The following TOGARAM1 variants were observed in gnomAD, a reference collection of about 807,000 sequenced individuals.
TOGARAM1 encodes TOG array regulator of axonemal microtubules 1, also known as TOG array regulator of axonemal microtubules protein 1.
Under a neutral mutation model 166.6 loss-of-function variants are expected in TOGARAM1, and 100 were observed. The observed-to-expected ratio is 0.60, with a 90% CI of 0.51 to 0.71. The LOEUF (loss-of-function observed/expected upper bound fraction) is 0.71. TOGARAM1 is among the 30% of genes least tolerant of loss of function. TOGARAM1 has a pLI of 0.00. For missense variants in TOGARAM1, 2,029 were observed against 2,102.7 expected (o/e 0.96, Z 0.69); for synonymous variants, 758 against 763.8 (o/e 0.99, Z 0.13).
At chr14:45,046,518 G>C (rs750984413) in intron 13 of TOGARAM1, 27 bp from the exon 14 acceptor site, 1 of 1,271,384 alleles carries the variant, frequency 7.9e-7, no homozygotes, top group East Asian at 3.1e-5. Flanking sequence ...TAACAACTCT[G>C]TTTTAATTGA....
At chr14:44,981,778 A>G (rs1209004258) in intron 1 of TOGARAM1, among the ~76,000 whole-genome samples, 1 of 151,776 alleles carries the variant, frequency 6.6e-6, no homozygotes, top group Non-Finnish European at 1.5e-5. Context: ...GTATAATTTC[A>G]GTTTATGAAT....
intron 14 of TOGARAM1, among the ~76,000 whole-genome samples, chr14:45,050,153 A>G (rs1021716219): frequency 2.0e-5 from 3 of 152,208 alleles, no homozygotes; most frequent in Non-Finnish European, 4.4e-5. Context: ...TTATCTGGAT[A>G]TAGACCTTAT....
chr14:45,000,362 C>T (rs1227363338), intron 3 of TOGARAM1, among the ~76,000 whole-genome samples: 2 of 152,264 alleles, frequency 1.3e-5, no homozygotes, highest in East Asian at 3.9e-4. Flanking sequence ...ACTGCCCTTG[C>T]CAGCCTCTGG....
At position 45,009,089 on chromosome 14, in the gene TOGARAM1, C is replaced by T; in HGVS notation, c.3081C>T (p.Tyr1027=). The T allele has an allele frequency of 1.2e-6, 2 of 1,614,016 alleles. No individual in the cohort carries two copies. Among genetic ancestry groups the T allele is most frequent in the African/African-American group, 1.3e-5 (1 of 75,008 alleles). Residue 1027 remains tyrosine (Y), a synonymous_variant, in exon 6 of 20, where the codon TAC becomes TAT. Transcript: ENST00000361462. ...NINSYSESGV[Y]SQESLTSSLS... is the part of the protein sequence containing the mutation. ...ATTCTTACAGTGAAAGTGGAGTTTACAGCCAAGAATCATTGACTTCTTCTC... is the reference window on the plus strand; with the variant it reads ...ATTCTTACAGTGAAAGTGGAGTTTATAGCCAAGAATCATTGACTTCTTCTC...
At chr14:44,987,351 A>G (rs1022494968) in intron 1 of TOGARAM1, among the ~76,000 whole-genome samples, 1 of 152,218 alleles carries the variant, frequency 6.6e-6, no homozygotes, top group Non-Finnish European at 1.5e-5. Context: ...TTTGCAATCT[A>G]CTCATCTGAC....
At chr14:45,042,406 A>G (rs1238934332) in intron 11 of TOGARAM1, 1 of 152,054 alleles carries the variant, frequency 6.6e-6, no homozygotes, top group African/African-American at 2.4e-5. Context: ...GTTAAATCAT[A>G]AAAGGGTCTA....
chr14:44,987,806 G>A (rs1268352185), intron 1 of TOGARAM1, among the ~76,000 whole-genome samples: 27 of 148,342 alleles, frequency 1.8e-4, no homozygotes, highest in African/African-American at 6.0e-4. Context: ...ACATGCACAC[G>A]TATGTTTATT....
rs1021066202 is a variant in TOGARAM1 at position 44,984,181 on chromosome 14, A to G, written c.2047-11565A>G. Among the ~76,000 whole-genome samples the G allele has an allele frequency of 4.6e-5, 7 of 152,346 alleles. 1 individual carries two copies. The highest frequency in any genetic ancestry group is 1.7e-4 in the African/African-American group (7 of 41,588). On this transcript the variant is annotated intron_variant, in intron 1 of 19. Transcript: ENST00000361462. ...TGTTACAATGTTTATTAAGAGTAACAGTATTTAAAGCAAAGTAAGAAAGTG... is the reference window on the plus strand; with the variant it reads ...TGTTACAATGTTTATTAAGAGTAACGGTATTTAAAGCAAAGTAAGAAAGTG...
chr14:44,969,150 C>CCTTCCTTTCTTTCT (rs1566595745), intron 1 of TOGARAM1, among the ~76,000 whole-genome samples: 18 of 130,064 alleles, frequency 1.4e-4, no homozygotes, highest in African/African-American at 5.2e-4. Flanking sequence ...TCCTTCCTTT[C>CCTTCCTTTCTTTCT]TTTCTTTCTT....
chr14:45,030,540 C>T (rs1278280243), intron 10 of TOGARAM1, among the ~76,000 whole-genome samples: 4 of 151,866 alleles, frequency 2.6e-5, no homozygotes, highest in Non-Finnish European at 5.9e-5. Flanking sequence ...TATTCCAAAG[C>T]TGGAGGATTT....
intron 3 of TOGARAM1, among the ~76,000 whole-genome samples, chr14:45,003,097 A>G (rs1160333989): frequency 6.6e-6 from 1 of 152,226 alleles, no homozygotes; most frequent in Non-Finnish European, 1.5e-5. Context: ...GAAAGTTTTA[A>G]TTCTATATGT....
At chr14:44,995,414 A>G in intron 1 of TOGARAM1, 1 of 456,540 alleles carries the variant, frequency 2.2e-6, no homozygotes, top group Non-Finnish European at 4.4e-6. Context: ...CAAAGATAGC[A>G]TAGTTTGAGG....
At chr14:44,995,418 T>C (rs1308945273) in intron 1 of TOGARAM1, 2 of 457,964 alleles carry the variant, frequency 4.4e-6, no homozygotes, top group Non-Finnish European at 8.8e-6. Context: ...GATAGCATAG[T>C]TTGAGGGGTT....
intron 7 of TOGARAM1, among the ~76,000 whole-genome samples, chr14:45,022,175 A>G (rs747200515): frequency 1.3e-4 from 20 of 151,842 alleles, no homozygotes; most frequent in Non-Finnish European, 2.4e-4. Context: ...AAGCAGGGCC[A>G]TTGTCACTCT....
At chr14:45,006,540 T>C (rs1469766779) in intron 5 of TOGARAM1, 8 of 254,602 alleles carry the variant, frequency 3.1e-5, no homozygotes, top group Non-Finnish European at 6.2e-5. Flanking sequence ...ATTAAAAGTA[T>C]GAATAATAAT....
intron 1 of TOGARAM1, among the ~76,000 whole-genome samples, chr14:44,982,564 G>A (rs2138761413): frequency 6.6e-6 from 1 of 152,276 alleles, no homozygotes; most frequent in South Asian, 2.1e-4. Flanking sequence ...GTTTTTTCAA[G>A]GTAGAGGAAT....
At chr14:44,974,881 T>C (rs1460843438) in intron 1 of TOGARAM1, among the ~76,000 whole-genome samples, 1 of 152,124 alleles carries the variant, frequency 6.6e-6, no homozygotes, top group Non-Finnish European at 1.5e-5. Context: ...TAAATTTTGT[T>C]GACAGGTAGA....
At chr14:44,964,514 T>A in intron 1 of TOGARAM1, 47 bp downstream of exon 1, 1 of 1,507,764 alleles carries the variant, frequency 6.6e-7, no homozygotes, top group Non-Finnish European at 8.8e-7. Context: ...AGAATTTAAA[T>A]GAAAATATGC....
chr14:45,039,344 A>C (rs1055163136), intron 11 of TOGARAM1, among the ~76,000 whole-genome samples: 3 of 152,262 alleles, frequency 2.0e-5, no homozygotes, highest in Admixed American at 1.3e-4. Flanking sequence ...TTCTCACTCC[A>C]GTCTGTGGAA....
Sources: allele counts gnomAD v4.1 joint callset (sites outside exome capture counted in the v4.1 genomes callset), GRCh38; gene constraint gnomAD v4.1.1; transcripts MANE v1.5; gene names NCBI Gene and HGNC (gene_info 2026-07-23, HGNC 2026-07-21).